RBFOX1: variants seen among roughly 807,000 people sequenced by gnomAD.
RBFOX1 encodes RNA binding protein fox-1 homolog 1.
Under a neutral mutation model 57.7 loss-of-function variants are expected in RBFOX1, and 8 were observed. The ratio of observed to expected loss-of-function variants is 0.14; its 90% confidence interval spans 0.08 to 0.25. The LOEUF is 0.25. Among genes scored for constraint, RBFOX1 ranks in the 10% least tolerant of loss-of-function variants. The pLI is 1.00. For synonymous variants in RBFOX1, 326 were observed against 222.4 expected, an observed-to-expected ratio of 1.47 and a Z score of -4.15; for missense variants, 611 against 548.5, an observed-to-expected ratio of 1.11 and a Z score of -1.14.
At chr16:6,675,399 C>T (rs55752547) in intron 3 of RBFOX1, among the ~76,000 whole-genome samples, 2 of 151,786 alleles carry the variant, frequency 1.3e-5, no homozygotes, top group African/African-American at 4.8e-5. Context: ...GACTGCAATT[C>T]AGGTGGGCTC....
intron 1 of RBFOX1, among the ~76,000 whole-genome samples, chr16:6,271,403 A>T (rs2075200760): frequency 6.6e-6 from 1 of 152,034 alleles, no homozygotes; most frequent in Non-Finnish European, 1.5e-5. Context: ...AGCTGGAGCG[A>T]CAGAGCAAGA....
intron 4 of RBFOX1, among the ~76,000 whole-genome samples, chr16:7,446,922 C>A (rs1371898592): frequency 6.9e-6 from 1 of 145,900 alleles, no homozygotes; most frequent in Non-Finnish European, 1.5e-5. Flanking sequence ...ACAGCATTCT[C>A]CTGTCTCAGC....
intron 3 of RBFOX1, among the ~76,000 whole-genome samples, chr16:5,697,764 C>A (rs566266104): frequency 2.0e-5 from 3 of 152,130 alleles, no homozygotes; most frequent in African/African-American, 7.2e-5. Flanking sequence ...GAACTCCTGT[C>A]CTCATGATCT....
chr16:6,886,783 C>CAA (rs1555572372), intron 3 of RBFOX1, among the ~76,000 whole-genome samples: 4 of 136,864 alleles, frequency 2.9e-5, no homozygotes, highest in Non-Finnish European at 6.4e-5. Flanking sequence ...CAAAACAAAA[C>CAA]AAAAAAAAAA....
chr16:6,636,974 TTATG>T (rs2098441943), intron 2 of RBFOX1, among the ~76,000 whole-genome samples: 1 of 127,742 alleles, frequency 7.8e-6, no homozygotes, highest in Admixed American at 8.9e-5. Context: ...TTATGTATAT[TTATG>T]TATATGTATC....
At position 6,174,105 on chromosome 16, in the gene RBFOX1, C is replaced by G. The variant is rs1266511178; in HGVS notation, c.-126-142890C>G. Among the ~76,000 whole-genome samples the G allele has an allele frequency of 2.6e-5, 4 of 152,236 alleles. No homozygotes were observed. The East Asian group carries it at 7.7e-4, about 29-fold the overall frequency. On this transcript the variant is annotated intron_variant, in intron 1 of 15. Coordinates refer to ENST00000550418, the MANE Select transcript of RBFOX1 (RefSeq NM_018723.4). Reference sequence around the variant, plus strand: ...ACCCTGTGGTTGAGAGGCAACTTAACAGGTTACTGGAGCTGTCTGACTTGG... The same window carrying G: ...ACCCTGTGGTTGAGAGGCAACTTAAGAGGTTACTGGAGCTGTCTGACTTGG...
chr16:7,018,077 A>G (rs938342583), intron 3 of RBFOX1, among the ~76,000 whole-genome samples: 1 of 152,010 alleles, frequency 6.6e-6, no homozygotes, highest in African/African-American at 2.4e-5. Context: ...GCCAACCTGC[A>G]TGTACACCCA....
chr16:6,902,520 A>C (rs919761631), intron 3 of RBFOX1, among the ~76,000 whole-genome samples: 24 of 152,162 alleles, frequency 1.6e-4, no homozygotes, highest in African/African-American at 5.8e-4. Flanking sequence ...GCAGGAGTTC[A>C]AGACCAGCCT....
intron 3 of RBFOX1, among the ~76,000 whole-genome samples, chr16:5,642,080 G>A (rs376067718): frequency 6.6e-6 from 1 of 152,180 alleles, no homozygotes; most frequent in African/African-American, 2.4e-5. Context: ...TCTGGACTTA[G>A]GGAAAGTCAC....
At chr16:6,168,953 A>G (rs1284415236) in intron 1 of RBFOX1, among the ~76,000 whole-genome samples, 1 of 152,124 alleles carries the variant, frequency 6.6e-6, no homozygotes, top group African/African-American at 2.4e-5. Context: ...GTAACAGAGA[A>G]GTTTTGGAAT....
intron 1 of RBFOX1, among the ~76,000 whole-genome samples, chr16:6,216,474 C>T (rs548033589): frequency 6.6e-6 from 1 of 152,238 alleles, no homozygotes; most frequent in South Asian, 2.1e-4. Context: ...ATCCGAACTG[C>T]TGTATCGCTG....
chr16:5,734,573 G>A (rs983478666), intron 3 of RBFOX1, among the ~76,000 whole-genome samples: 2 of 152,180 alleles, frequency 1.3e-5, no homozygotes, highest in Non-Finnish European at 2.9e-5. Context: ...ATCCATGTTT[G>A]ATCCTCCAAT....
At chr16:6,610,211 C>G (rs767251516) in intron 2 of RBFOX1, among the ~76,000 whole-genome samples, 16 of 152,100 alleles carry the variant, frequency 1.1e-4, no homozygotes, top group Non-Finnish European at 2.2e-4. Flanking sequence ...GAGAGTGCAT[C>G]TATGTTTTCT....
intron 14 of RBFOX1, among the ~76,000 whole-genome samples, chr16:7,687,189 C>G (rs760259866): frequency 6.6e-6 from 1 of 151,948 alleles, no homozygotes; most frequent in Non-Finnish European, 1.5e-5. Context: ...TTGAAGTACA[C>G]GTGACAACAC....
In RBFOX1 at chr16:6,803,610, G is replaced by C. The variant is rs573256444; in HGVS notation, c.-16+148960G>C. 2.1e-3 allele frequency among the ~76,000 whole-genome samples: 313 copies of C among 152,230 alleles called. 1 individual carries two copies. The highest frequency in any genetic ancestry group is 3.2e-3 in the Non-Finnish European group (220 of 68,014). On this transcript the variant is annotated intron_variant, in intron 3 of 15. Coordinates refer to ENST00000550418, the MANE Select transcript of RBFOX1 (RefSeq NM_018723.4). ...AAATAAAGTAACTGAGAAGGAAACAGGATTCCTAAACCGAATGGACTTTAG... is the reference window on the plus strand; with the variant it reads ...AAATAAAGTAACTGAGAAGGAAACACGATTCCTAAACCGAATGGACTTTAG...
At chr16:6,158,803 C>T (rs1183853394) in intron 1 of RBFOX1, among the ~76,000 whole-genome samples, 1 of 152,076 alleles carries the variant, frequency 6.6e-6, no homozygotes, top group Non-Finnish European at 1.5e-5. Context: ...GGGGAGAGGG[C>T]ACGTCTGGGA....
At position 6,855,816 on chromosome 16, in the gene RBFOX1, T is replaced by TCCC. The variant is rs2057757994; in HGVS notation, c.-15-196241_-15-196240insCCC. Among the ~76,000 whole-genome samples the TCCC allele has an allele frequency of 2.0e-5, 3 of 151,592 alleles. No homozygotes were observed. In the South Asian group the frequency reaches 6.3e-4, roughly 32 times the overall value. On this transcript the variant is annotated intron_variant, in intron 3 of 15. Coordinates refer to ENST00000550418, the MANE Select transcript of RBFOX1 (RefSeq NM_018723.4). Reference sequence around the variant, plus strand: ...GTGATAAATTTCCTTCTTCCCTTCCTTCCTCCTTCCCTCCCTCCTTCCCTC... The same window carrying TCCC: ...GTGATAAATTTCCTTCTTCCCTTCCTCCCTCCTCCTTCCCTCCCTCCTTCCCTC...
intron 4 of RBFOX1, among the ~76,000 whole-genome samples, chr16:7,077,456 G>C (rs745977893): frequency 6.6e-6 from 1 of 152,086 alleles, no homozygotes; most frequent in Non-Finnish European, 1.5e-5. Context: ...TCTCAAAGAC[G>C]AACTAATCTG....
intron 2 of RBFOX1, among the ~76,000 whole-genome samples, chr16:6,540,349 C>T (rs1166156849): frequency 6.6e-6 from 1 of 150,854 alleles, no homozygotes; most frequent in East Asian, 1.9e-4. Flanking sequence ...CGTGGTGGCT[C>T]ACACTTGTAA....
Sources: gnomAD v4.1 joint callset for allele counts (sites outside exome capture counted in the v4.1 genomes callset) on GRCh38, gnomAD v4.1.1 for gene constraint, MANE v1.5 for transcripts, NCBI Gene and HGNC (gene_info 2026-07-23, HGNC 2026-07-21) for gene names.